The following RPGRIP1L variants were observed in gnomAD, a reference collection of about 807,000 sequenced individuals.
The protein encoded by RPGRIP1L is RPGRIP1 like.
RPGRIP1L carries 131 observed loss-of-function variants against 160.4 expected under a neutral mutation model. The ratio of observed to expected loss-of-function variants is 0.82; its 90% CI spans 0.71 to 0.94. The LOEUF is 0.94. RPGRIP1L is among the 40% of genes least tolerant of loss of function. The pLI, the probability that RPGRIP1L is intolerant of heterozygous loss-of-function variation, is 0.00. For synonymous variants in RPGRIP1L, 510 were observed against 515.8 expected (o/e 0.99, Z 0.15); for missense variants, 1,522 against 1,535.8 (o/e 0.99, Z 0.15).
intron 6 of RPGRIP1L, among the ~76,000 whole-genome samples, chr16:53,675,332 C>A (rs1969072506): frequency 6.6e-6 from 1 of 152,190 alleles, no homozygotes; most frequent in South Asian, 2.1e-4. Context: ...ACTTTCATAA[C>A]CTTGAACTCA....
rs1297781617 is a variant in RPGRIP1L, at chr16:53,615,466, A to ATT, written c.3616+3558_3616+3559insAA. On this transcript the variant is annotated intron_variant, in intron 24 of 26. Transcript: ENST00000647211. Reference sequence around the variant, plus strand: ...TATTTCTAAGAATATATATATATATATATATATTTTTTTTTTTTTTTTTTT... The same window carrying ATT: ...TATTTCTAAGAATATATATATATATATTTATATATTTTTTTTTTTTTTTTTTT... 3.6e-3 allele frequency among the ~76,000 whole-genome samples: 236 copies of ATT among 66,338 alleles called. 3 individuals carry two copies. Among genetic ancestry groups the ATT allele is most frequent in the Middle Eastern group, 0.014 (2 of 148 alleles). The allele number at this position is 66,338 out of a possible 152,430, so 43.5% of individuals were successfully genotyped here. A position where few individuals can be genotyped will look rare whatever the true frequency, so the allele number is the denominator to read the frequency against.
intron 22 of RPGRIP1L, among the ~76,000 whole-genome samples, chr16:53,627,353 A>G (rs1965252246): frequency 6.6e-6 from 1 of 152,206 alleles, no homozygotes; most frequent in Non-Finnish European, 1.5e-5. Flanking sequence ...ATGAATAGGC[A>G]TTTCTTTAAT....
intron 14 of RPGRIP1L, chr16:53,655,472 A>G (rs1167440903): frequency 6.6e-6 from 1 of 152,174 alleles, no homozygotes; most frequent in Non-Finnish European, 1.5e-5. Context: ...TAAATATGGT[A>G]CGTAGTGGAC....
intron 1 of RPGRIP1L, among the ~76,000 whole-genome samples, chr16:53,702,463 T>G (rs1971508546): frequency 6.6e-6 from 1 of 152,160 alleles, no homozygotes; most frequent in African/African-American, 2.4e-5. Flanking sequence ...CTGCAATGCC[T>G]CTCCAACACC....
At chr16:53,639,050 G>A (rs1212400802) in intron 19 of RPGRIP1L, among the ~76,000 whole-genome samples, 2 of 151,208 alleles carry the variant, frequency 1.3e-5, no homozygotes, top group African/African-American at 2.4e-5. Context: ...TTTTAAAAAT[G>A]TCATATGCTA....
At chr16:53,650,957 T>C (rs1966847956) in intron 15 of RPGRIP1L, among the ~76,000 whole-genome samples, 1 of 152,212 alleles carries the variant, frequency 6.6e-6, no homozygotes, top group Admixed American at 6.5e-5. Context: ...TGTGATTTTA[T>C]CTATGCTCAT....
chr16:53,689,822 G>T (rs1970266074), intron 4 of RPGRIP1L, among the ~76,000 whole-genome samples: 1 of 152,156 alleles, frequency 6.6e-6, no homozygotes, highest in African/African-American at 2.4e-5. Context: ...TTAATGCTTT[G>T]TGTCACTTCC....
chr16:53,667,492 C>T lies in RPGRIP1L; in HGVS notation c.1104-2483G>A, dbSNP rs147571420. 3.3e-3 allele frequency among the ~76,000 whole-genome samples: 500 copies of T among 152,270 alleles called. 4 individuals carry two copies. Among genetic ancestry groups the T allele is most frequent in the African/African-American group, 0.011 (478 of 41,566 alleles). ...GCGGCTCATGCCTGTAATCCCAATGCTTTGGGAGGCTGAGGCAGGAGGATG... is the reference window on the plus strand; with the variant it reads ...GCGGCTCATGCCTGTAATCCCAATGTTTTGGGAGGCTGAGGCAGGAGGATG... On this transcript the variant is annotated intron_variant, in intron 9 of 26. Coordinates refer to ENST00000647211, the MANE Select transcript of RPGRIP1L (RefSeq NM_015272.5).
intron 26 of RPGRIP1L, among the ~76,000 whole-genome samples, chr16:53,602,438 T>C (rs934249909): frequency 6.6e-6 from 1 of 152,160 alleles, no homozygotes; most frequent in Admixed American, 6.5e-5. Context: ...GAAGTTTACC[T>C]AGTGAAAGCG....
At chr16:53,652,456 G>T in intron 15 of RPGRIP1L, 79 bp downstream of exon 15, 1 of 1,108,470 alleles carries the variant, frequency 9.0e-7, no homozygotes, top group South Asian at 1.3e-5. Flanking sequence ...TACAAGAAAA[G>T]ATAGTAATGT....
chr16:53,683,476 T>C (rs1244806408), intron 6 of RPGRIP1L, among the ~76,000 whole-genome samples: 1 of 152,022 alleles, frequency 6.6e-6, no homozygotes, highest in Non-Finnish European at 1.5e-5. Flanking sequence ...GATAATGGCA[T>C]GGTAGGTATG....
At chr16:53,700,539 T>C (rs1971315343) in intron 2 of RPGRIP1L, 100 bp downstream of exon 2, 6 of 902,148 alleles carry the variant, frequency 6.7e-6, no homozygotes, top group Non-Finnish European at 1.1e-5. Flanking sequence ...ACTATATAGT[T>C]ACTTAAATGG....
intron 3 of RPGRIP1L, chr16:53,695,176 A>C (rs1186319016): frequency 3.6e-6 from 2 of 561,862 alleles, no homozygotes; most frequent in African/African-American, 1.9e-5. Context: ...ACAAAGAAAA[A>C]AATTGTTAGG....
chr16:53,624,591 T>C (rs1282818060), intron 22 of RPGRIP1L, among the ~76,000 whole-genome samples: 1 of 152,172 alleles, frequency 6.6e-6, no homozygotes, highest in East Asian at 1.9e-4. Flanking sequence ...GGAGTGGTTA[T>C]TATTAACTGC....
chr16:53,668,768 G>A (rs1189542655), intron 9 of RPGRIP1L, among the ~76,000 whole-genome samples: 1 of 152,070 alleles, frequency 6.6e-6, no homozygotes, highest in East Asian at 1.9e-4. Context: ...CCAACAGAAA[G>A]ATATAATTGC....
chr16:53,615,472 A>T (rs8051464), intron 24 of RPGRIP1L, among the ~76,000 whole-genome samples: 34,220 of 76,526 alleles, frequency 0.45, 9,780 homozygotes, highest in African/African-American at 0.77. Context: ...ATATATATAT[A>T]TTTTTTTTTT....
chr16:53,696,344 C>T (rs746331827), intron 2 of RPGRIP1L, 49 bp from the exon 3 acceptor site: 2 of 1,586,688 alleles, frequency 1.3e-6, no homozygotes, highest in Non-Finnish European at 1.7e-6. Context: ...AAAATAGTCT[C>T]TAGAAACTCT....
intron 4 of RPGRIP1L, among the ~76,000 whole-genome samples, chr16:53,691,418 G>A (rs148439154): frequency 6.6e-6 from 1 of 152,092 alleles, no homozygotes; most frequent in African/African-American, 2.4e-5. Context: ...GTACATTTTA[G>A]GTTATTAATT....
intron 24 of RPGRIP1L, among the ~76,000 whole-genome samples, chr16:53,615,115 A>T (rs908586700): frequency 6.6e-6 from 1 of 152,198 alleles, no homozygotes; most frequent in Non-Finnish European, 1.5e-5. Context: ...GTTTCACATC[A>T]TCTTCATCTT....
Sources: allele counts gnomAD v4.1 joint callset (sites outside exome capture counted in the v4.1 genomes callset), GRCh38; gene constraint gnomAD v4.1.1; transcripts MANE v1.5; gene names NCBI Gene and HGNC (gene_info 2026-07-23, HGNC 2026-07-21).